EIF3D: variants seen among roughly 807,000 people sequenced by gnomAD.
The protein encoded by EIF3D is eIF3 p66.
In EIF3D, 10 loss-of-function variants were observed where a neutral mutation model predicts 75.4. That is an observed-to-expected ratio of 0.13 (90% CI 0.08 to 0.22). EIF3D has a LOEUF of 0.22. Among genes scored for constraint, EIF3D ranks in the 10% least tolerant of loss-of-function variants. The pLI, the probability that EIF3D is intolerant of heterozygous loss-of-function variation, is 1.00. For synonymous variants in EIF3D, 246 were observed against 248.3 expected (o/e 0.99, Z 0.09); for missense variants, 394 against 708.0 (o/e 0.56, Z 5.03).
intron 12 of EIF3D, 193 bp from the exon 13 acceptor site, chr22:36,512,795 C>T (rs975648248): frequency 7.0e-5 from 42 of 599,672 alleles, no homozygotes; most frequent in Admixed American, 1.3e-4. Flanking sequence ...AGTCACTCAA[C>T]GACTTACAAT....
At chr22:36,526,274 A>C in intron 1 of EIF3D, 143 bp from the exon 2 acceptor site, 1 of 835,318 alleles carries the variant, frequency 1.2e-6, no homozygotes, top group Non-Finnish European at 1.7e-6. Flanking sequence ...TTGAGCGACT[A>C]CTACTGTTTT....
At chr22:36,527,266 A>G (rs1485104756) in intron 1 of EIF3D, among the ~76,000 whole-genome samples, 1 of 152,216 alleles carries the variant, frequency 6.6e-6, no homozygotes, top group Non-Finnish European at 1.5e-5. Flanking sequence ...GGTAGGAGCC[A>G]ATGTTATCCG....
Position 36,512,329 on chromosome 22 carries a change from C to T in EIF3D, c.1349+131G>A, listed in dbSNP as rs558598508. ...GCATTTGTCTCCTAACTGACCCCTC[C>T]ATCTCTACCCCACCCCTGGATTTAT... is the stretch of plus-strand genomic sequence containing the variant. On this transcript the variant is annotated intron_variant, in intron 13 of 14. Transcript: ENST00000216190. 4 of 1,310,284 alleles carry T rather than the reference C, an allele frequency of 3.1e-6. No homozygotes were observed. The South Asian group carries it at 5.6e-5, about 18-fold the overall frequency. The allele number at this position is 1,310,284 out of a possible 1,614,324, so 81.2% of individuals were successfully genotyped here.
At chr22:36,528,910 T>A (rs1457567974) in intron 1 of EIF3D, 166 bp downstream of exon 1, 3 of 185,158 alleles carry the variant, frequency 1.6e-5, no homozygotes, top group Non-Finnish European at 3.3e-5. Flanking sequence ...TTCAGTAGCG[T>A]GCGGGACGCG....
At chr22:36,527,292 A>AT (rs1446888276) in intron 1 of EIF3D, among the ~76,000 whole-genome samples, 4 of 152,242 alleles carry the variant, frequency 2.6e-5, no homozygotes, top group Non-Finnish European at 5.9e-5. Context: ...TCCAGATAAG[A>AT]AAACCAAAGC....
chr22:36,519,854 A>T (rs1376943445), intron 7 of EIF3D, among the ~76,000 whole-genome samples: 2 of 152,186 alleles, frequency 1.3e-5, no homozygotes, highest in Non-Finnish European at 2.9e-5. Context: ...CTGGTTTCCC[A>T]CTACCTAAAT....
Position 36,520,839 on chromosome 22 carries a change from G to C in EIF3D, c.466-151C>G, listed in dbSNP as rs949354482. Reference sequence around the variant, plus strand: ...GGAAGCTGGGGCAGGATGATTGCTTGAGCCCAGGAGTTTGAGGCTGCAGTG... The same window carrying C: ...GGAAGCTGGGGCAGGATGATTGCTTCAGCCCAGGAGTTTGAGGCTGCAGTG... On this transcript the variant is annotated intron_variant, in intron 6 of 14. Transcript: ENST00000216190. 7.1e-6 allele frequency: 4 copies of C among 561,542 alleles called. No homozygotes were observed. In the South Asian group the frequency reaches 8.1e-5, roughly 11 times the overall value. The allele number at this position is 561,542 out of a possible 1,614,324, so 34.8% of individuals were successfully genotyped here. A position where few individuals can be genotyped will look rare whatever the true frequency, so the allele number is the denominator to read the frequency against.
chr22:36,516,181 C>T, intron 12 of EIF3D: 1 of 265,604 alleles, frequency 3.8e-6, no homozygotes. Context: ...CAACAGGAGG[C>T]CACAATGGAA....
At chr22:36,520,970 C>T (rs1014595236) in intron 6 of EIF3D, among the ~76,000 whole-genome samples, 5 of 151,968 alleles carry the variant, frequency 3.3e-5, no homozygotes, top group East Asian at 1.9e-4. Flanking sequence ...GAGGCCAAGG[C>T]GGGCAGATCA....
chr22:36,523,083 C>A (rs777179159), intron 6 of EIF3D, 126 bp downstream of exon 6: 1 of 820,686 alleles, frequency 1.2e-6, no homozygotes, highest in Non-Finnish European at 2.1e-6. Flanking sequence ...TTACAGAACT[C>A]TTCAAATATA....
chr22:36,510,912 GAC>G lies in EIF3D; in HGVS notation c.*73_*74del, dbSNP rs1473793440. On this transcript the variant is annotated 3_prime_UTR_variant, in exon 15 of 15. Transcript: ENST00000216190. ...CTGCTAAATGTCAGAGAGCAAGTTAGACACACATTCCACTAAGCATCAAAGGC... is the reference window on the plus strand; with the variant it reads ...CTGCTAAATGTCAGAGAGCAAGTTAGACACATTCCACTAAGCATCAAAGGC... The G allele has an allele frequency of 2.0e-6, 3 of 1,502,876 alleles. No homozygotes were observed. Among genetic ancestry groups the G allele is most frequent in the African/African-American group, 1.4e-5 (1 of 70,634 alleles). 93.1% of individuals were successfully genotyped at this position (1,502,876 alleles called of 1,614,324 possible).
chr22:36,518,336 G>C (rs1934459256), intron 9 of EIF3D, among the ~76,000 whole-genome samples: 1 of 151,064 alleles, frequency 6.6e-6, no homozygotes, highest in Admixed American at 6.6e-5. Context: ...TAAAAATATA[G>C]AAAGTAGCCA....
intron 9 of EIF3D, among the ~76,000 whole-genome samples, chr22:36,518,230 C>T (rs1238230846): frequency 6.6e-6 from 1 of 152,056 alleles, no homozygotes; most frequent in Non-Finnish European, 1.5e-5. Context: ...TTGGCTCACA[C>T]CTCTAATCGC....
intron 12 of EIF3D, 96 bp downstream of exon 12, chr22:36,516,382 A>AT: frequency 6.9e-7 from 1 of 1,458,814 alleles, no homozygotes; most frequent in Non-Finnish European, 9.3e-7. Flanking sequence ...ACGAAAGGGG[A>AT]TAAGAAACAG....
chr22:36,518,025 G>A (rs980389423), intron 9 of EIF3D, among the ~76,000 whole-genome samples: 4 of 152,086 alleles, frequency 2.6e-5, no homozygotes, highest in African/African-American at 9.7e-5. Context: ...CAGGATTACA[G>A]GTTGTGAGCC....
At position 36,517,064 on chromosome 22, in the gene EIF3D, AT is replaced by A. The variant is rs1230393788; in HGVS notation, c.990+236del. 4.8e-6 allele frequency: 3 copies of A among 619,224 alleles called. No individual in the cohort carries two copies. The East Asian group carries it at 8.3e-5, about 17-fold the overall frequency. The allele number at this position is 619,224 out of a possible 1,614,324, so 38.4% of individuals were successfully genotyped here. A position where few individuals can be genotyped will look rare whatever the true frequency, so the allele number is the denominator to read the frequency against. On this transcript the variant is annotated intron_variant, in intron 10 of 14. Transcript: ENST00000216190. ...ACCATTTGATGTAAATCAATTTATT[AT>A]TTATTGTTCACTGTGTTTCCTCCTC...
intron 12 of EIF3D, 134 bp from the exon 13 acceptor site, chr22:36,512,736 T>G: frequency 9.8e-7 from 1 of 1,017,260 alleles, no homozygotes; most frequent in Non-Finnish European, 1.4e-6. Flanking sequence ...ATCTTACCAT[T>G]TAAGAGACAA....
At chr22:36,515,746 C>G (rs894113900) in intron 12 of EIF3D, among the ~76,000 whole-genome samples, 2 of 152,016 alleles carry the variant, frequency 1.3e-5, no homozygotes, top group South Asian at 4.1e-4. Context: ...CGGGTGAGAC[C>G]AGAGTAACGC....
At chr22:36,512,844 GATGGACACAC>G in intron 12 of EIF3D, 1 of 467,658 alleles carries the variant, frequency 2.1e-6, no homozygotes, top group South Asian at 2.4e-5. Context: ...GGGAATGATG[GATGGACACAC>G]ACGGACACAC....
Sources: gnomAD v4.1 joint callset for allele counts (sites outside exome capture counted in the v4.1 genomes callset) on GRCh38, gnomAD v4.1.1 for gene constraint, MANE v1.5 for transcripts, NCBI Gene and HGNC (gene_info 2026-07-23, HGNC 2026-07-21) for gene names.